The following LMNTD1 variants were observed in gnomAD, a reference collection of about 807,000 sequenced individuals.
The protein encoded by LMNTD1 is lamin tail domain-containing protein 1.
A neutral mutation model predicts 50.9 loss-of-function variants in LMNTD1; 35 were observed. The observed-to-expected ratio is 0.69, with a 90% CI of 0.53 to 0.91. The LOEUF is 0.91. LMNTD1 is among the 40% of genes least tolerant of loss of function. The pLI is 0.00. For missense variants in LMNTD1, 470 were observed against 475.5 expected (o/e 0.99, Z 0.11); for synonymous variants, 153 against 161.9 (o/e 0.94, Z 0.42).
At chr12:25,546,021 C>T (rs1943406842) in intron 4 of LMNTD1, among the ~76,000 whole-genome samples, 1 of 151,566 alleles carries the variant, frequency 6.6e-6, no homozygotes. Context: ...TATCTTTCTC[C>T]TTCTGTCTTG....
chr12:25,590,410 A>G (rs1945660989), intron 1 of LMNTD1, among the ~76,000 whole-genome samples: 1 of 152,206 alleles, frequency 6.6e-6, no homozygotes, highest in African/African-American at 2.4e-5. Flanking sequence ...GAGTTTCCCA[A>G]AGCCTTGCCA....
intron 1 of LMNTD1, among the ~76,000 whole-genome samples, chr12:25,602,327 C>A (rs1226841803): frequency 6.6e-6 from 1 of 151,854 alleles, no homozygotes; most frequent in African/African-American, 2.4e-5. Flanking sequence ...AGAAAAAAAA[C>A]CTCAACCTTC....
chr12:25,549,616 G>C lies in LMNTD1; in HGVS notation c.90-70C>G, dbSNP rs766087553. 294 of 813,982 alleles carry C rather than the reference G, an allele frequency of 3.6e-4. 1 individual carries two copies. Among genetic ancestry groups the C allele is most frequent in the Admixed American group, 7.1e-4 (22 of 31,084 alleles). 50.4% of individuals were successfully genotyped at this position (813,982 alleles called of 1,614,324 possible). ...AAGTGGCTGTGAATAAAAGAAGCAT[G>C]GGCTATTATTATTACCCAGAATTCT... is the stretch of plus-strand genomic sequence containing the variant. On this transcript the variant is annotated intron_variant, in intron 2 of 9. Transcript: ENST00000458174.
At chr12:25,640,595 T>A (rs548950586) in intron 1 of LMNTD1, among the ~76,000 whole-genome samples, 3 of 152,346 alleles carry the variant, frequency 2.0e-5, no homozygotes, top group East Asian at 1.9e-4. Context: ...TAATGTTATT[T>A]AAAAATTTAT....
chr12:25,638,591 C>A (rs1217789769), intron 1 of LMNTD1, among the ~76,000 whole-genome samples: 1 of 151,628 alleles, frequency 6.6e-6, no homozygotes, highest in Non-Finnish European at 1.5e-5. Flanking sequence ...ACAATGGCAC[C>A]AAAACGAATA....
chr12:25,646,000 T>C (rs1412480070), intron 1 of LMNTD1, among the ~76,000 whole-genome samples: 1 of 152,130 alleles, frequency 6.6e-6, no homozygotes, highest in East Asian at 1.9e-4. Flanking sequence ...AGGGCCCTCA[T>C]GGATGAGGAC....
At chr12:25,623,187 C>T (rs565230107) in intron 1 of LMNTD1, among the ~76,000 whole-genome samples, 1 of 151,908 alleles carries the variant, frequency 6.6e-6, no homozygotes, top group African/African-American at 2.4e-5. Flanking sequence ...GAGGGTGTTG[C>T]TATGTTAAAG....
At chr12:25,565,778 G>A (rs1944533095) in intron 1 of LMNTD1, among the ~76,000 whole-genome samples, 2 of 152,128 alleles carry the variant, frequency 1.3e-5, no homozygotes, top group Non-Finnish European at 2.9e-5. Context: ...GACAGATCTG[G>A]TGTTGAAATC....
rs181030504 is a variant in LMNTD1 at position 25,586,493 on chromosome 12, T to G, written c.59-39939A>C. ...CAAAAACTGCCAGTTGTCCTCCACT[T>G]TCATTTTTTCTCCTCCCAGTTTACC... On this transcript the variant is annotated intron_variant, in intron 1 of 7. Transcript: ENST00000445693. 2.0e-5 allele frequency among the ~76,000 whole-genome samples: 3 copies of G among 152,314 alleles called. No individual in the cohort carries two copies. In the East Asian group the frequency reaches 5.8e-4, roughly 29 times the overall value.
At chr12:25,576,660 G>A (rs1945033664) in intron 1 of LMNTD1, among the ~76,000 whole-genome samples, 1 of 152,140 alleles carries the variant, frequency 6.6e-6, no homozygotes, top group African/African-American at 2.4e-5. Flanking sequence ...CACTCTGATG[G>A]TAGTTTCTTT....
chr12:25,591,841 G>GAGAGA (rs1213458493), intron 1 of LMNTD1, among the ~76,000 whole-genome samples: 1 of 145,120 alleles, frequency 6.9e-6, no homozygotes, highest in Middle Eastern at 3.2e-3. Flanking sequence ...GAGAGAGAGA[G>GAGAGA]AGAGAGAGAG....
At chr12:25,493,025 A>G (rs1171730832) in intron 9 of LMNTD1, among the ~76,000 whole-genome samples, 1 of 152,220 alleles carries the variant, frequency 6.6e-6, no homozygotes, top group Non-Finnish European at 1.5e-5. Flanking sequence ...CATTAGCCTG[A>G]AACATCTAGC....
chr12:25,556,093 C>T (rs1433547381), upstream of LMNTD1, among the ~76,000 whole-genome samples: 2 of 151,386 alleles, frequency 1.3e-5, no homozygotes, highest in South Asian at 2.1e-4. Flanking sequence ...CTGCCTTAGC[C>T]TCCCAAGTAG....
chr12:25,624,324 G>C (rs756372444), intron 1 of LMNTD1, among the ~76,000 whole-genome samples: 3 of 152,140 alleles, frequency 2.0e-5, no homozygotes, highest in Admixed American at 6.5e-5. Flanking sequence ...AAACTCTCCT[G>C]ATTTTCATTG....
chr12:25,536,913 G>A (rs1041333763), intron 4 of LMNTD1, among the ~76,000 whole-genome samples: 10 of 152,362 alleles, frequency 6.6e-5, no homozygotes, highest in East Asian at 1.9e-4. Context: ...TGCCTCACTC[G>A]GGAAGCACAA....
At chr12:25,520,327 A>C (rs1000093333) in intron 6 of LMNTD1, among the ~76,000 whole-genome samples, 3 of 151,828 alleles carry the variant, frequency 2.0e-5, no homozygotes, top group Non-Finnish European at 4.4e-5. Flanking sequence ...AGATCCCTAG[A>C]CTTCATCCTA....
At chr12:25,582,214 T>C (rs1945318390) in intron 1 of LMNTD1, among the ~76,000 whole-genome samples, 1 of 152,210 alleles carries the variant, frequency 6.6e-6, no homozygotes, top group Non-Finnish European at 1.5e-5. Flanking sequence ...TTTCTTCCCT[T>C]CACTTCCAAG....
chr12:25,513,534 G>T (rs1055511645), intron 8 of LMNTD1, among the ~76,000 whole-genome samples: 20 of 152,186 alleles, frequency 1.3e-4, no homozygotes, highest in Admixed American at 3.3e-4. Context: ...TACTCGGGAG[G>T]CTGAGGCACG....
intron 7 of LMNTD1, among the ~76,000 whole-genome samples, 168 bp from the exon 8 acceptor site, chr12:25,519,135 G>A (rs1243262413): frequency 1.3e-5 from 2 of 152,166 alleles, no homozygotes; most frequent in African/African-American, 4.8e-5. Flanking sequence ...TGCTACAAAT[G>A]AATAATATAT....
Sources: gnomAD v4.1 joint callset for allele counts (sites outside exome capture counted in the v4.1 genomes callset) on GRCh38, gnomAD v4.1.1 for gene constraint, MANE v1.5 for transcripts, NCBI Gene and HGNC (gene_info 2026-07-23, HGNC 2026-07-21) for gene names.